Variants in PIBF1 observed in about 807,000 individuals in gnomAD.
The protein encoded by PIBF1 is progesterone immunomodulatory binding factor 1, also known as progesterone-induced-blocking factor 1.
Under a neutral mutation model 112.5 loss-of-function variants are expected in PIBF1, and 90 were observed. The observed-to-expected ratio is 0.80, with a 90% CI of 0.67 to 0.95. The LOEUF (loss-of-function observed/expected upper bound fraction) is 0.95. Ranked by LOEUF, PIBF1 falls within the 40% of genes least tolerant of loss-of-function variation. PIBF1 has a pLI of 0.00. For missense variants in PIBF1, 915 were observed against 852.3 expected, an observed-to-expected ratio of 1.07 and a Z score of -0.92; for synonymous variants, 301 against 288.6, an observed-to-expected ratio of 1.04 and a Z score of -0.44.
chr13:73,000,505 G>T (rs985167923), intron 17 of PIBF1, among the ~76,000 whole-genome samples: 3 of 152,168 alleles, frequency 2.0e-5, no homozygotes, highest in Admixed American at 2.0e-4. Context: ...TTTATTAAGG[G>T]CTATGGCTAG....
At chr13:72,861,806 TC>T (rs1166705411) in intron 10 of PIBF1, among the ~76,000 whole-genome samples, 1 of 151,876 alleles carries the variant, frequency 6.6e-6, no homozygotes, top group Admixed American at 6.6e-5. Flanking sequence ...CCTCAAGTGA[TC>T]AGAAAAAACA....
intron 17 of PIBF1, among the ~76,000 whole-genome samples, chr13:73,003,967 A>G (rs1011337320): frequency 6.6e-6 from 1 of 151,840 alleles, no homozygotes; most frequent in Non-Finnish European, 1.5e-5. Context: ...CACCATGGCT[A>G]TAATCTCAAA....
At chr13:72,925,390 G>A (rs1027890620) in intron 13 of PIBF1, among the ~76,000 whole-genome samples, 13 of 152,080 alleles carry the variant, frequency 8.5e-5, no homozygotes, top group Admixed American at 5.9e-4. Context: ...TAATTTCTAA[G>A]TACCTCCTTT....
chr13:72,993,731 G>A (rs2043554451), intron 16 of PIBF1, among the ~76,000 whole-genome samples: 1 of 142,456 alleles, frequency 7.0e-6, no homozygotes, highest in Non-Finnish European at 1.5e-5. Flanking sequence ...GGGCGACAGA[G>A]CGAGACTCCA....
chr13:72,808,762 C>G (rs2035862556), intron 5 of PIBF1, among the ~76,000 whole-genome samples: 1 of 152,046 alleles, frequency 6.6e-6, no homozygotes, highest in Non-Finnish European at 1.5e-5. Flanking sequence ...CCATAAATAC[C>G]AAAGATTTTC....
chr13:72,956,260 A>C (rs1390650894), intron 14 of PIBF1, among the ~76,000 whole-genome samples: 4 of 152,038 alleles, frequency 2.6e-5, no homozygotes, highest in Non-Finnish European at 5.9e-5. Flanking sequence ...TCCCAAAGCT[A>C]TCAATTCTAT....
At chr13:72,965,448 T>G (rs1478468894) in intron 15 of PIBF1, 44 bp downstream of exon 15, 2 of 1,495,630 alleles carry the variant, frequency 1.3e-6, no homozygotes, top group Non-Finnish European at 1.8e-6. Context: ...AAAGACATTG[T>G]TACCATATTG....
At chr13:72,788,943 C>T (rs1409846900) in intron 2 of PIBF1, among the ~76,000 whole-genome samples, 2 of 152,032 alleles carry the variant, frequency 1.3e-5, no homozygotes, top group African/African-American at 4.8e-5. Flanking sequence ...TAGTCTTGGC[C>T]GTATTGATTT....
chr13:73,013,300 C>CAAAAAA (rs869055620), intron 17 of PIBF1, among the ~76,000 whole-genome samples: 2 of 14,656 alleles, frequency 1.4e-4, no homozygotes, highest in African/African-American at 2.0e-4. Flanking sequence ...GACTCTGTCT[C>CAAAAAA]AAAAAAAAAA....
intron 11 of PIBF1, among the ~76,000 whole-genome samples, chr13:72,895,081 A>G (rs2040226497): frequency 6.6e-6 from 1 of 151,900 alleles, no homozygotes; most frequent in Non-Finnish European, 1.5e-5. Flanking sequence ...CTGAGATCAC[A>G]TCACTGCACT....
At chr13:72,987,943 A>G (rs1241911846) in intron 16 of PIBF1, among the ~76,000 whole-genome samples, 1 of 126,030 alleles carries the variant, frequency 7.9e-6, no homozygotes, top group East Asian at 2.5e-4. Context: ...GCTCACTGCA[A>G]CCTCCGCCCC....
chr13:72,816,446 T>G (rs1045900843), intron 5 of PIBF1, among the ~76,000 whole-genome samples: 5 of 152,132 alleles, frequency 3.3e-5, no homozygotes, highest in African/African-American at 4.8e-5. Context: ...GTGGATTCCT[T>G]GAGTCCAGGA....
At chr13:72,843,777 A>T (rs944814589) in intron 9 of PIBF1, among the ~76,000 whole-genome samples, 2 of 152,178 alleles carry the variant, frequency 1.3e-5, no homozygotes, top group Non-Finnish European at 2.9e-5. Context: ...CTGAGATCAC[A>T]CAGCTTTTTA....
At chr13:72,811,327 G>A (rs1232573737) in intron 5 of PIBF1, among the ~76,000 whole-genome samples, 3 of 151,904 alleles carry the variant, frequency 2.0e-5, no homozygotes, top group Admixed American at 1.3e-4. Context: ...TATTGGCTGG[G>A]CACCATGACT....
At position 72,990,251 on chromosome 13, in the gene PIBF1, G is replaced by A. The variant is rs2043431125; in HGVS notation, c.2050-8571G>A. ...AAAAAAAAAAAATGCCAGGTACAGT[G>A]GCTCACGCCTGTAATCCCAGCACTT... On this transcript the variant is annotated intron_variant, in intron 16 of 17. Transcript: ENST00000326291. Among the ~76,000 whole-genome samples the A allele has an allele frequency of 3.3e-5, 5 of 150,762 alleles. No individual in the cohort carries two copies. In the South Asian group the frequency reaches 1.0e-3, roughly 32 times the overall value.
chr13:72,903,928 A>G (rs966175636), intron 11 of PIBF1, among the ~76,000 whole-genome samples: 8 of 152,172 alleles, frequency 5.3e-5, no homozygotes, highest in African/African-American at 1.7e-4. Flanking sequence ...TAATGTTGTT[A>G]TATCTGTTTG....
intron 15 of PIBF1, among the ~76,000 whole-genome samples, chr13:72,968,641 T>C (rs1371841775): frequency 6.6e-6 from 1 of 152,076 alleles, no homozygotes. Context: ...AGGAACTAAA[T>C]TTTTAATTCT....
rs2041684742 is a variant in PIBF1, at chr13:72,931,173, T to C, written c.1739T>C (p.Leu580Ser). 1 of 1,602,706 alleles carries C rather than the reference T, an allele frequency of 6.2e-7. No individual in the cohort carries two copies. The highest frequency in any genetic ancestry group is 1.7e-5 in the Admixed American group (1 of 59,032). The change falls in exon 14 of 18, where the codon TTG becomes TCG. Residue 580 changes from leucine (L) to serine (S), a missense_variant. Physicochemically the swap from Leu to Ser is moderately radical, Grantham distance 145. Coordinates refer to ENST00000326291, the MANE Select transcript of PIBF1 (RefSeq NM_006346.4). ...TTATTTCATTTGCCTAGTGTTCACT[T>C]GGCAAGAAGAGTGCTTCAATTAGAA... ...AKRRLKQSVHLARRVLQLEKQ... is the reference protein window; with the variant it reads ...AKRRLKQSVHSARRVLQLEKQ...
At chr13:72,820,254 A>G (rs952992885) in intron 5 of PIBF1, among the ~76,000 whole-genome samples, 1 of 152,130 alleles carries the variant, frequency 6.6e-6, no homozygotes, top group Non-Finnish European at 1.5e-5. Context: ...AGACAGTTGA[A>G]TTCTGGAGCT....
Sources: gnomAD v4.1 joint callset for allele counts (sites outside exome capture counted in the v4.1 genomes callset) on GRCh38, gnomAD v4.1.1 for gene constraint, MANE v1.5 for transcripts, NCBI Gene and HGNC (gene_info 2026-07-23, HGNC 2026-07-21) for gene names.